Variants in CFAP251 observed in about 807,000 individuals in gnomAD.
The protein encoded by CFAP251 is cilia- and flagella-associated protein 251.
CFAP251 carries 93 observed loss-of-function variants against 126.7 expected under a neutral mutation model. The ratio of observed to expected loss-of-function variants is 0.73; its 90% confidence interval spans 0.62 to 0.87. CFAP251 has a LOEUF of 0.87. Among genes scored for constraint, CFAP251 ranks in the 40% least tolerant of loss-of-function variants. The pLI is 0.00. For synonymous variants in CFAP251, 503 were observed against 506.9 expected (o/e 0.99, Z 0.10); for missense variants, 1,287 against 1,389.2 (o/e 0.93, Z 1.17).
intron 11 of CFAP251, among the ~76,000 whole-genome samples, chr12:121,957,559 C>T (rs767736845): frequency 3.9e-5 from 6 of 152,010 alleles, no homozygotes; most frequent in Non-Finnish European, 7.4e-5. Context: ...AAAAAATTAG[C>T]CGGGCGTGGT....
intron 3 of CFAP251, among the ~76,000 whole-genome samples, chr12:121,929,306 C>T (rs1230000892): frequency 2.8e-5 from 4 of 141,502 alleles, no homozygotes; most frequent in South Asian, 2.2e-4. Flanking sequence ...GGTGACAGAG[C>T]GAGACTCCAT....
rs539595462 is a variant in CFAP251 at position 121,925,916 on chromosome 12, A to G, written c.747+1926A>G. 9.4e-4 allele frequency among the ~76,000 whole-genome samples: 142 copies of G among 151,376 alleles called. 5 individuals are homozygous for G. The South Asian group carries it at 0.029, about 31-fold the overall frequency. On this transcript the variant is annotated intron_variant, in intron 3 of 21. Transcript: ENST00000288912. ...CTGGAGTGCAGTGGCGTGATCTTGG[A>G]TCACTGCAACCTCCACCTCCTGGGT...
Position 121,945,790 on chromosome 12 carries a change from T to C in CFAP251, c.1191+2815T>C, listed in dbSNP as rs1394439749. On this transcript the variant is annotated intron_variant, in intron 7 of 21. Transcript: ENST00000288912. Reference sequence around the variant, plus strand: ...ACGCCATTCTCCTGCCTCAACCACCTGAGTAGCTGGGACTACAGGCGCCCA... The same window carrying C: ...ACGCCATTCTCCTGCCTCAACCACCCGAGTAGCTGGGACTACAGGCGCCCA... Among the ~76,000 whole-genome samples the C allele has an allele frequency of 8.5e-5, 13 of 152,124 alleles. No homozygotes were observed. The East Asian group carries it at 1.9e-3, about 23-fold the overall frequency.
At chr12:121,938,054 G>A (rs567357164) in intron 5 of CFAP251, among the ~76,000 whole-genome samples, 4 of 152,250 alleles carry the variant, frequency 2.6e-5, no homozygotes, top group Admixed American at 6.5e-5. Flanking sequence ...ACCCAGGCGG[G>A]AGTGCAGTGG....
intron 8 of CFAP251, chr12:121,950,905 A>G (rs915304947): frequency 2.0e-5 from 3 of 151,994 alleles, no homozygotes; most frequent in African/African-American, 7.3e-5. Flanking sequence ...TTCTCTATTA[A>G]TAAGCCTTTA....
chr12:121,967,882 A>G, intron 16 of CFAP251, 124 bp from the exon 17 acceptor site: 1 of 889,044 alleles, frequency 1.1e-6, no homozygotes, highest in Non-Finnish European at 1.7e-6. Context: ...TCTCACACTC[A>G]GAGATGGGTC....
intron 19 of CFAP251, among the ~76,000 whole-genome samples, chr12:121,996,545 G>A (rs890476234): frequency 1.3e-5 from 2 of 152,164 alleles, no homozygotes; most frequent in Admixed American, 6.5e-5. Context: ...CGTCCTGTGA[G>A]GAGTCCTGTG....
At chr12:121,961,053 C>T (rs533671248) in intron 14 of CFAP251, among the ~76,000 whole-genome samples, 1 of 152,246 alleles carries the variant, frequency 6.6e-6, no homozygotes, top group East Asian at 1.9e-4. Context: ...TCCCAGTGTG[C>T]ACGGGGAGGG....
chr12:121,938,320 T>C (rs1382928446), intron 5 of CFAP251, among the ~76,000 whole-genome samples: 1 of 151,814 alleles, frequency 6.6e-6, no homozygotes, highest in Non-Finnish European at 1.5e-5. Context: ...TCTGTTGTTG[T>C]TGTTGTTGTT....
chr12:121,997,621 A>G (rs1883049444), intron 19 of CFAP251: 1 of 151,482 alleles, frequency 6.6e-6, no homozygotes, highest in South Asian at 2.1e-4. Context: ...TTTAGAGCAC[A>G]AATCTTGCAT....
rs370862441 is a variant in CFAP251, at chr12:121,975,353, A to G, written c.2862+19A>G. 2.1e-4 allele frequency: 334 copies of G among 1,608,444 alleles called. 1 individual carries two copies. Among genetic ancestry groups the G allele is most frequent in the Non-Finnish European group, 2.6e-4 (311 of 1,175,106 alleles). On this transcript the variant is annotated intron_variant, in intron 18 of 21. Transcript: ENST00000288912. ...CTACAGGGTAATTGTCCCTAGAGTAAACACCTCCTGGTAACATCTAGTTAA... is the reference window on the plus strand; with the variant it reads ...CTACAGGGTAATTGTCCCTAGAGTAGACACCTCCTGGTAACATCTAGTTAA...
At chr12:122,003,112 T>G (rs772257734) in intron 21 of CFAP251, among the ~76,000 whole-genome samples, 6 of 152,142 alleles carry the variant, frequency 3.9e-5, no homozygotes, top group Non-Finnish European at 7.4e-5. Flanking sequence ...GGCTTTCCAG[T>G]AAGGTTTGCA....
At chr12:121,999,373 T>C (rs1175636144) in intron 19 of CFAP251, 1 of 158,556 alleles carries the variant, frequency 6.3e-6, no homozygotes, top group East Asian at 1.7e-4. Context: ...AAAATTAGTA[T>C]TCTTTTTTTT....
intron 15 of CFAP251, among the ~76,000 whole-genome samples, chr12:121,964,260 G>A (rs908089320): frequency 5.9e-5 from 9 of 152,170 alleles, no homozygotes; most frequent in Admixed American, 5.9e-4. Context: ...ATCCAGGACA[G>A]TTTCCTTAAA....
intron 2 of CFAP251, among the ~76,000 whole-genome samples, chr12:121,922,091 G>A (rs1286635943): frequency 2.1e-5 from 3 of 145,474 alleles, no homozygotes; most frequent in African/African-American, 5.1e-5. Flanking sequence ...CACCACGCCC[G>A]GCCACAATCC....
intron 17 of CFAP251, chr12:121,971,524 G>T (rs865516): frequency 1.4e-6 from 1 of 702,424 alleles, no homozygotes; most frequent in Admixed American, 2.0e-5. Flanking sequence ...TGCACTGAGT[G>T]AGTTCCATGT....
chr12:121,967,120 G>A, intron 16 of CFAP251, 51 bp downstream of exon 16: 3 of 1,520,318 alleles, frequency 2.0e-6, no homozygotes, highest in Non-Finnish European at 2.7e-6. Flanking sequence ...TGTGTCATGA[G>A]CAGCAGTCAT....
chr12:121,990,722 T>A (rs1402772307), intron 19 of CFAP251, among the ~76,000 whole-genome samples: 1 of 152,162 alleles, frequency 6.6e-6, no homozygotes, highest in African/African-American at 2.4e-5. Flanking sequence ...CTTAAAAAAA[T>A]ACATCAGTAT....
chr12:121,940,299 T>A (rs1165732756), intron 5 of CFAP251, among the ~76,000 whole-genome samples: 2 of 152,142 alleles, frequency 1.3e-5, no homozygotes, highest in African/African-American at 4.8e-5. Context: ...TCTCCAGGGA[T>A]GAGATACATT....
Sources: gnomAD v4.1 joint callset for allele counts (sites outside exome capture counted in the v4.1 genomes callset) on GRCh38, gnomAD v4.1.1 for gene constraint, MANE v1.5 for transcripts, NCBI Gene and HGNC (gene_info 2026-07-23, HGNC 2026-07-21) for gene names.